GSE1: variants seen among roughly 807,000 people sequenced by gnomAD.
GSE1 encodes the protein Gse1 coiled-coil protein.
In GSE1, 32 loss-of-function variants were observed where a neutral mutation model predicts 112.6. The observed-to-expected ratio is 0.28, with a 90% CI of 0.21 to 0.38. GSE1 has a LOEUF of 0.38. Ranked by LOEUF, GSE1 falls within the 10% of genes least tolerant of loss-of-function variation. The probability of loss-of-function intolerance (pLI) is 1.00; values close to 1 mark genes in which losing one functional copy is unlikely to be tolerated. For synonymous variants in GSE1, 1,115 were observed against 735.6 expected, an observed-to-expected ratio of 1.52 and a Z score of -8.35; for missense variants, 2,348 against 1,699.2, an observed-to-expected ratio of 1.38 and a Z score of -6.71.
chr16:85,359,728 C>T (rs1379930034), intron 2 of GSE1, among the ~76,000 whole-genome samples: 3 of 152,178 alleles, frequency 2.0e-5, no homozygotes, highest in Non-Finnish European at 2.9e-5. Flanking sequence ...CAGTAGTGAG[C>T]GAGGGGGATG....
At chr16:85,220,246 G>C (rs1445065716) in intron 1 of GSE1, among the ~76,000 whole-genome samples, 1 of 152,214 alleles carries the variant, frequency 6.6e-6, no homozygotes, top group Admixed American at 6.5e-5. Flanking sequence ...GGGTGGCTGT[G>C]AAAATGGCAC....
rs982708735 is a variant in GSE1 at position 85,270,509 on chromosome 16, C to T, written c.2284-86954C>T. On this transcript the variant is annotated intron_variant, in intron 1 of 2. Coordinates refer to the GSE1 transcript ENST00000637419. ...AGCCAGAGGTAGATTTTTCCATTTG[C>T]ATCCTCTTTTCCAGTGTTTTCAGAA... Among the ~76,000 whole-genome samples, 18 of 148,828 alleles carry T rather than the reference C, an allele frequency of 1.2e-4. 3 individuals carry two copies. The highest frequency in any genetic ancestry group is 2.6e-4 in the Non-Finnish European group (17 of 66,098).
intron 1 of GSE1, among the ~76,000 whole-genome samples, chr16:85,175,572 G>A (rs575749115): frequency 1.6e-4 from 24 of 152,276 alleles, no homozygotes; most frequent in South Asian, 6.2e-4. Flanking sequence ...CCTTCCCCCC[G>A]CCCCCGTGAA....
upstream of GSE1, chr16:85,554,891 C>G: frequency 2.0e-6 from 2 of 985,386 alleles, no homozygotes; most frequent in Non-Finnish European, 1.2e-6. Context: ...GCAAACGGCC[C>G]CCGCTTCGGA....
chr16:85,461,718 C>A (rs1381696120), intron 2 of GSE1, among the ~76,000 whole-genome samples: 2 of 152,148 alleles, frequency 1.3e-5, no homozygotes, highest in Admixed American at 6.5e-5. Context: ...TAGCCATAAT[C>A]CCCGTGCTGC....
At chr16:85,343,592 T>C (rs542768148) in intron 1 of GSE1, among the ~76,000 whole-genome samples, 1 of 151,926 alleles carries the variant, frequency 6.6e-6, no homozygotes, top group East Asian at 1.9e-4. Flanking sequence ...CTACAAAAAA[T>C]AAATAATTAG....
chr16:85,604,402 A>G (rs934775735), intron 1 of GSE1, among the ~76,000 whole-genome samples: 1 of 152,022 alleles, frequency 6.6e-6, no homozygotes, highest in African/African-American at 2.4e-5. Context: ...TTCTTCATCT[A>G]TCCATCATCT....
At chr16:85,286,634 A>G (rs939648064) in intron 1 of GSE1, among the ~76,000 whole-genome samples, 1 of 152,146 alleles carries the variant, frequency 6.6e-6, no homozygotes, top group Non-Finnish European at 1.5e-5. Context: ...TGGGCTTGCC[A>G]GAAATTATTT....
chr16:85,482,060 C>G (rs913167015), intron 2 of GSE1, among the ~76,000 whole-genome samples: 1 of 152,268 alleles, frequency 6.6e-6, no homozygotes, highest in African/African-American at 2.4e-5. Flanking sequence ...ATGTCCCCAC[C>G]CATGAAGGGA....
At position 85,274,150 on chromosome 16, in the gene GSE1, C is replaced by G. The variant is rs185885373; in HGVS notation, c.2284-83313C>G. 9.9e-3 allele frequency among the ~76,000 whole-genome samples: 1,497 copies of G among 151,740 alleles called. 15 individuals carry two copies. Among genetic ancestry groups the G allele is most frequent in the Middle Eastern group, 0.027 (8 of 294 alleles). On this transcript the variant is annotated intron_variant, in intron 1 of 2. Transcript: ENST00000637419. ...CCTGTAATCCCAGCACTTCGGGAGG[C>G]TGAAGCGGCTGGATCACGAGGTTAG...
chr16:85,249,939 G>T (rs1480568581), intron 1 of GSE1, among the ~76,000 whole-genome samples: 1 of 152,360 alleles, frequency 6.6e-6, no homozygotes, highest in South Asian at 2.1e-4. Flanking sequence ...CCAGCTGGGC[G>T]CTTCTCCATG....
chr16:85,626,178 G>A (rs796294775), intron 1 of GSE1, among the ~76,000 whole-genome samples: 13 of 152,156 alleles, frequency 8.5e-5, no homozygotes, highest in African/African-American at 3.1e-4. Flanking sequence ...GCCCCCATGT[G>A]TCTGGAGCAA....
chr16:85,611,150 TC>T (rs1365213231), upstream of GSE1, among the ~76,000 whole-genome samples: 1 of 151,838 alleles, frequency 6.6e-6, no homozygotes, highest in Non-Finnish European at 1.5e-5. Context: ...GCTGTTCCCC[TC>T]CCCCCGCAGC....
chr16:85,548,740 C>G (rs990300583), intron 2 of GSE1, among the ~76,000 whole-genome samples: 1 of 152,090 alleles, frequency 6.6e-6, no homozygotes, highest in African/African-American at 2.4e-5. Flanking sequence ...TTATAAAGAC[C>G]CTTGCCATTG....
chr16:85,275,550 T>C (rs921792944), intron 1 of GSE1, among the ~76,000 whole-genome samples: 1 of 152,118 alleles, frequency 6.6e-6, no homozygotes, highest in Non-Finnish European at 1.5e-5. Context: ...AAGAGAAGAT[T>C]CCGGAGCTAG....
upstream of GSE1, chr16:85,613,145 C>T (rs546792781): frequency 1.4e-5 from 18 of 1,302,320 alleles, no homozygotes; most frequent in Middle Eastern, 2.8e-4. Context: ...CCGACACCTC[C>T]CGCTGGCTGA....
chr16:85,174,485 G>A (rs1054539821), intron 1 of GSE1, among the ~76,000 whole-genome samples: 2 of 152,176 alleles, frequency 1.3e-5, no homozygotes, highest in Non-Finnish European at 1.5e-5. Context: ...ATTGACAGCC[G>A]GGAGAATGCC....
At position 85,613,346 on chromosome 16, in the gene GSE1, G is replaced by C; in HGVS notation, c.-46G>C. The C allele has an allele frequency of 6.4e-7, 1 of 1,564,496 alleles. No homozygotes were observed. The highest frequency in any genetic ancestry group is 1.9e-5 in the Admixed American group (1 of 53,400). ...CAGTTTAGACAAACACTGGGCGACG[G>C]TGGCTCCAGCATGTATCAGCCGAGG... On this transcript the variant is annotated 5_prime_UTR_variant, in exon 1 of 16. Transcript: ENST00000253458.
At position 85,657,356 on chromosome 16, in the gene GSE1, G is replaced by T; in HGVS notation, c.1392G>T (p.Thr464=). ...PLHPVPTPHH[T]VPSLISNHGI... ...ATCCGGTGCCCACCCCACACCACAC[G>T]GTGCCCAGCCTCATCTCCAACCATG... The change falls in exon 8 of 16, where the codon ACG becomes ACT. Residue 464 remains threonine, a synonymous_variant. Coordinates refer to ENST00000253458, the MANE Select transcript of GSE1 (RefSeq NM_014615.5). 6.2e-7 allele frequency: 1 copy of T among 1,611,096 alleles called. No homozygotes were observed. Among genetic ancestry groups the T allele is most frequent in the Non-Finnish European group, 8.5e-7 (1 of 1,179,442 alleles).
Sources: gnomAD v4.1 joint callset for allele counts (sites outside exome capture counted in the v4.1 genomes callset) on GRCh38, gnomAD v4.1.1 for gene constraint, MANE v1.5 for transcripts, NCBI Gene and HGNC (gene_info 2026-07-23, HGNC 2026-07-21) for gene names.